TAF4B: variants seen among roughly 807,000 people sequenced by gnomAD.
TAF4B encodes TATA-box binding protein associated factor 4b, also known as transcription initiation factor TFIID subunit 4B.
A neutral mutation model predicts 86.4 loss-of-function variants in TAF4B; 38 were observed. That is an observed-to-expected ratio of 0.44 (90% CI 0.34 to 0.58). The LOEUF (loss-of-function observed/expected upper bound fraction) is 0.58. Among genes scored for constraint, TAF4B ranks in the 20% least tolerant of loss-of-function variants. The pLI is 0.02. For synonymous variants in TAF4B, 388 were observed against 391.2 expected, an observed-to-expected ratio of 0.99 and a Z score of 0.10; for missense variants, 988 against 1,027.6, an observed-to-expected ratio of 0.96 and a Z score of 0.53.
intron 1 of TAF4B, among the ~76,000 whole-genome samples, chr18:26,255,335 A>G (rs908585091): frequency 1.3e-5 from 2 of 152,114 alleles, no homozygotes; most frequent in Middle Eastern, 3.2e-3. Flanking sequence ...AACCCATTCA[A>G]AACTACTCTA....
intron 9 of TAF4B, among the ~76,000 whole-genome samples, chr18:26,314,023 C>A (rs2056877502): frequency 6.6e-6 from 1 of 152,024 alleles, no homozygotes; most frequent in Non-Finnish European, 1.5e-5. Context: ...GAGTTCTTTT[C>A]CCCCTCATCC....
At chr18:26,332,460 T>C (rs1487592765) in intron 12 of TAF4B, among the ~76,000 whole-genome samples, 1 of 152,114 alleles carries the variant, frequency 6.6e-6, no homozygotes, top group Admixed American at 6.5e-5. Context: ...TGTTTTGTTT[T>C]GTTTTGTTTT....
intron 12 of TAF4B, among the ~76,000 whole-genome samples, chr18:26,327,357 TC>T (rs2057012567): frequency 6.6e-6 from 1 of 152,204 alleles, no homozygotes; most frequent in Non-Finnish European, 1.5e-5. Context: ...TTCTCACATT[TC>T]CTGTGTGCTC....
chr18:26,352,249 A>T (rs2057251637), intron 13 of TAF4B, among the ~76,000 whole-genome samples: 1 of 152,100 alleles, frequency 6.6e-6, no homozygotes, highest in South Asian at 2.1e-4. Flanking sequence ...AAAAATCTGT[A>T]ATGGAACTAT....
intron 13 of TAF4B, among the ~76,000 whole-genome samples, chr18:26,345,359 G>T (rs2057168522): frequency 6.6e-6 from 1 of 152,194 alleles, no homozygotes; most frequent in Non-Finnish European, 1.5e-5. Context: ...AGCCCTGTGG[G>T]CTGCTCCTTG....
intron 9 of TAF4B, among the ~76,000 whole-genome samples, chr18:26,307,893 T>C (rs1292887443): frequency 6.6e-6 from 1 of 152,142 alleles, no homozygotes; most frequent in Non-Finnish European, 1.5e-5. Context: ...GAAGATCACC[T>C]GAGGTCAGGA....
rs200684534 is a variant in TAF4B at position 26,350,258 on chromosome 18, T to TA, written c.2317-7424dup. Among the ~76,000 whole-genome samples, 789 of 151,140 alleles carry TA rather than the reference T, an allele frequency of 5.2e-3. 5 individuals are homozygous for TA. The highest frequency in any genetic ancestry group is 8.0e-3 in the African/African-American group (330 of 41,150). On this transcript the variant is annotated intron_variant, in intron 13 of 14. Coordinates refer to ENST00000269142, the MANE Select transcript of TAF4B (RefSeq NM_005640.3). The stretch of plus-strand genomic sequence containing the variant: ...ATAGCAAAGGAAACAATCCACAGAG[T>TA]AAAAAAAATAAGACTACAGAATGGG...
At chr18:26,332,255 G>C (rs1296554114) in intron 12 of TAF4B, among the ~76,000 whole-genome samples, 1 of 152,126 alleles carries the variant, frequency 6.6e-6, no homozygotes, top group Non-Finnish European at 1.5e-5. Flanking sequence ...AACTTTACCT[G>C]CAAAGATATG....
Position 26,246,929 on chromosome 18 carries a change from C to T in TAF4B, c.344-18241C>T, listed in dbSNP as rs956224371. Among the ~76,000 whole-genome samples the T allele has an allele frequency of 1.4e-4, 21 of 151,626 alleles. 1 individual carries two copies. The highest frequency in any genetic ancestry group is 5.9e-5 in the Non-Finnish European group (4 of 67,918). ...GCAGTGGCATGATTTCGCCTCACTG[C>T]AACCCTCTCCCCCGCCACTGACCCC... On this transcript the variant is annotated intron_variant, in intron 1 of 14. Coordinates refer to ENST00000269142, the MANE Select transcript of TAF4B (RefSeq NM_005640.3).
intron 1 of TAF4B, among the ~76,000 whole-genome samples, chr18:26,232,307 G>A (rs955882479): frequency 3.3e-5 from 5 of 152,192 alleles, no homozygotes; most frequent in Middle Eastern, 3.4e-3. Flanking sequence ...GGATAGGGGC[G>A]AAGAAGGGGC....
intron 1 of TAF4B, among the ~76,000 whole-genome samples, chr18:26,239,358 T>C (rs1322124961): frequency 6.6e-6 from 1 of 152,312 alleles, no homozygotes; most frequent in African/African-American, 2.4e-5. Context: ...GAGCATTTTT[T>C]CATGTGTCTT....
chr18:26,234,546 G>A (rs2144434291), intron 1 of TAF4B, among the ~76,000 whole-genome samples: 1 of 152,316 alleles, frequency 6.6e-6, no homozygotes, highest in African/African-American at 2.4e-5. Context: ...CTGGTCCCTG[G>A]GGGAAGAGGC....
At chr18:26,260,830 T>C (rs116946861) in intron 1 of TAF4B, among the ~76,000 whole-genome samples, 1 of 152,320 alleles carries the variant, frequency 6.6e-6, no homozygotes, top group East Asian at 1.9e-4. Context: ...TATCACACCT[T>C]TCTTCTTTAA....
chr18:26,358,102 T>C (rs931402058), intron 14 of TAF4B, among the ~76,000 whole-genome samples: 2 of 152,228 alleles, frequency 1.3e-5, no homozygotes, highest in African/African-American at 4.8e-5. Flanking sequence ...CTAGTGTTTT[T>C]ATGCAGTCCT....
intron 5 of TAF4B, among the ~76,000 whole-genome samples, chr18:26,278,001 C>G (rs1054858653): frequency 5.9e-5 from 9 of 152,146 alleles, no homozygotes; most frequent in Non-Finnish European, 1.0e-4. Context: ...CCATTGTTTT[C>G]TTTACTGTTA....
In TAF4B at chr18:26,226,742, G is replaced by A; in HGVS notation, c.-192G>A. 2.2e-6 allele frequency: 1 copy of A among 447,332 alleles called. No individual in the cohort carries two copies. Among genetic ancestry groups the A allele is most frequent in the Non-Finnish European group, 3.8e-6 (1 of 262,014 alleles). 27.7% of individuals were successfully genotyped at this position (447,332 alleles called of 1,614,324 possible). On this transcript the variant is annotated 5_prime_UTR_variant, in exon 1 of 15. Transcript: ENST00000269142. ...CAGCCCAGGCTCGCGCGGACGAGAG[G>A]AAGGTCCGGGACGCGCGTGTCCTGC...
chr18:26,361,369 C>T (rs2057328559), intron 14 of TAF4B, among the ~76,000 whole-genome samples: 2 of 149,844 alleles, frequency 1.3e-5, no homozygotes, highest in Non-Finnish European at 3.0e-5. Context: ...AAGCAGTCCT[C>T]CCACTTCTGC....
In TAF4B at chr18:26,322,620, A is replaced by G. The variant is rs561457857; in HGVS notation, c.2133+1420A>G. 2.0e-4 allele frequency among the ~76,000 whole-genome samples: 30 copies of G among 152,110 alleles called. No homozygotes were observed. The South Asian group carries it at 6.0e-3, about 30-fold the overall frequency. Reference sequence around the variant, plus strand: ...TACATTACTGATTTTTGTTATTTGCATCTTCTCTCTTTTTCTTCTTTGCTA... The same window carrying G: ...TACATTACTGATTTTTGTTATTTGCGTCTTCTCTCTTTTTCTTCTTTGCTA... On this transcript the variant is annotated intron_variant, in intron 11 of 14. Transcript: ENST00000269142.
intron 1 of TAF4B, among the ~76,000 whole-genome samples, chr18:26,246,316 G>T (rs1368361389): frequency 6.6e-6 from 1 of 152,144 alleles, no homozygotes; most frequent in South Asian, 2.1e-4. Flanking sequence ...CTAGGTATAT[G>T]ATACATAGTT....
Sources: allele counts gnomAD v4.1 joint callset (sites outside exome capture counted in the v4.1 genomes callset), GRCh38; gene constraint gnomAD v4.1.1; transcripts MANE v1.5; gene names NCBI Gene and HGNC (gene_info 2026-07-23, HGNC 2026-07-21).